The following SLC44A5 variants were observed in gnomAD, a reference collection of about 807,000 sequenced individuals.
The protein encoded by SLC44A5 is solute carrier family 44 member 5.
Under a neutral mutation model 101.8 loss-of-function variants are expected in SLC44A5, and 57 were observed. The ratio of observed to expected loss-of-function variants is 0.56; its 90% CI spans 0.45 to 0.70. The LOEUF (loss-of-function observed/expected upper bound fraction) is 0.70. SLC44A5 is among the 30% of genes least tolerant of loss of function. The probability of loss-of-function intolerance (pLI) is 0.00; values close to 1 mark genes in which losing one functional copy is unlikely to be tolerated. For synonymous variants in SLC44A5, 281 were observed against 290.9 expected (o/e 0.97, Z 0.35); for missense variants, 737 against 853.1 (o/e 0.86, Z 1.70).
At chr1:75,490,690 T>C (rs766349708) in intron 2 of SLC44A5, among the ~76,000 whole-genome samples, 2 of 152,198 alleles carry the variant, frequency 1.3e-5, no homozygotes, top group Non-Finnish European at 2.9e-5. Context: ...TAGAGTTTTG[T>C]TCTCTCCAAA....
the SLC44A5 span, among the ~76,000 whole-genome samples, chr1:75,689,184 T>C: frequency 6.6e-6 from 1 of 152,154 alleles, no homozygotes; most frequent in South Asian, 2.1e-4. Flanking sequence ...TTAAGGGACC[T>C]AGAGCTAGAA....
the SLC44A5 span, among the ~76,000 whole-genome samples, chr1:75,653,996 G>T: frequency 6.6e-6 from 1 of 152,304 alleles, no homozygotes. Context: ...GTAGGGTAAA[G>T]CTCTGACCAA....
chr1:75,333,589 T>C (rs961645179), intron 4 of SLC44A5, among the ~76,000 whole-genome samples: 4 of 152,158 alleles, frequency 2.6e-5, no homozygotes, highest in African/African-American at 9.7e-5. Context: ...AACTATGCTT[T>C]CTATGTGCCA....
At chr1:75,533,728 T>C (rs1314621261) in intron 2 of SLC44A5, among the ~76,000 whole-genome samples, 1 of 152,210 alleles carries the variant, frequency 6.6e-6, no homozygotes, top group Non-Finnish European at 1.5e-5. Context: ...CCTATCTGAA[T>C]ACACACATAG....
intron 2 of SLC44A5, among the ~76,000 whole-genome samples, chr1:75,507,466 AT>A (rs1259082187): frequency 2.6e-5 from 4 of 151,910 alleles, no homozygotes; most frequent in Non-Finnish European, 5.9e-5. Flanking sequence ...TTTGTTGAGA[AT>A]TTTTTTGTGT....
the SLC44A5 span, among the ~76,000 whole-genome samples, chr1:75,616,232 C>T: frequency 6.6e-6 from 1 of 151,866 alleles, no homozygotes; most frequent in Non-Finnish European, 1.5e-5. Flanking sequence ...CCCTTCTCCA[C>T]ACCCTCCCTC....
chr1:75,663,120 T>C, the SLC44A5 span, among the ~76,000 whole-genome samples: 2 of 152,148 alleles, frequency 1.3e-5, no homozygotes, highest in South Asian at 4.1e-4. Context: ...AACTAGATAA[T>C]AGAGTTACTC....
chr1:75,577,655 A>G (rs1417287806), intron 1 of SLC44A5, among the ~76,000 whole-genome samples: 1 of 152,168 alleles, frequency 6.6e-6, no homozygotes, highest in Non-Finnish European at 1.5e-5. Flanking sequence ...TCACCACCAT[A>G]TAACACACTA....
At chr1:75,621,199 A>G in the SLC44A5 span, among the ~76,000 whole-genome samples, 1 of 152,168 alleles carries the variant, frequency 6.6e-6, no homozygotes, top group African/African-American at 2.4e-5. Flanking sequence ...GAAGATGATG[A>G]CAAGGACAAA....
chr1:75,643,944 G>A, the SLC44A5 span, among the ~76,000 whole-genome samples: 65 of 152,258 alleles, frequency 4.3e-4, 1 homozygote, highest in East Asian at 0.01. Context: ...ATATAGAAGC[G>A]TGTTCACAGA....
chr1:75,319,010 T>A (rs1249958732), intron 4 of SLC44A5, among the ~76,000 whole-genome samples: 5 of 152,020 alleles, frequency 3.3e-5, no homozygotes, highest in African/African-American at 9.7e-5. Context: ...AATATGTAAA[T>A]CTTCAGAGAT....
chr1:75,406,618 T>C (rs941677736), intron 2 of SLC44A5, among the ~76,000 whole-genome samples: 2 of 152,198 alleles, frequency 1.3e-5, no homozygotes, highest in African/African-American at 4.8e-5. Context: ...AAGCACACGA[T>C]TATCTTAATA....
At position 75,316,358 on chromosome 1, in the gene SLC44A5, G is replaced by C. The variant is rs116721317; in HGVS notation, c.102-15673C>G. Among the ~76,000 whole-genome samples the C allele has an allele frequency of 8.3e-3, 1,264 of 152,158 alleles. 29 individuals carry two copies. Among genetic ancestry groups the C allele is most frequent in the African/African-American group, 0.029 (1,202 of 41,490 alleles). ...GAAAGCTCTCTCACCCTTAAAACTTGTTAAAACATCATCAACACCCAGCTT... is the reference window on the plus strand; with the variant it reads ...GAAAGCTCTCTCACCCTTAAAACTTCTTAAAACATCATCAACACCCAGCTT... On this transcript the variant is annotated intron_variant, in intron 4 of 23. Transcript: ENST00000370859.
At chr1:75,709,671 A>G in the SLC44A5 span, among the ~76,000 whole-genome samples, 11 of 152,264 alleles carry the variant, frequency 7.2e-5, no homozygotes, top group South Asian at 1.7e-3. Flanking sequence ...ATCTGTAGCT[A>G]TTCCTTCTAT....
the SLC44A5 span, among the ~76,000 whole-genome samples, chr1:75,654,824 T>C: frequency 6.6e-6 from 1 of 152,198 alleles, no homozygotes; most frequent in Admixed American, 6.5e-5. Flanking sequence ...TTATTATTAA[T>C]ACTCTTTCTC....
intron 2 of SLC44A5, among the ~76,000 whole-genome samples, chr1:75,407,954 T>A (rs998488569): frequency 6.6e-6 from 1 of 152,172 alleles, no homozygotes; most frequent in African/African-American, 2.4e-5. Context: ...ATTTTTGCAA[T>A]CTATCCATCT....
intron 23 of SLC44A5, among the ~76,000 whole-genome samples, chr1:75,211,013 C>G (rs1646842532): frequency 6.6e-6 from 1 of 152,092 alleles, no homozygotes; most frequent in African/African-American, 2.4e-5. Context: ...CCATAGTTAT[C>G]TTTGTGTGTG....
chr1:75,473,756 A>T (rs1232354322), intron 2 of SLC44A5, among the ~76,000 whole-genome samples: 1 of 152,064 alleles, frequency 6.6e-6, no homozygotes, highest in African/African-American at 2.4e-5. Context: ...TTCTTTCCAT[A>T]ATTTTATAAA....
intron 1 of SLC44A5, among the ~76,000 whole-genome samples, chr1:75,587,155 A>G (rs1201452893): frequency 6.6e-6 from 1 of 152,198 alleles, no homozygotes; most frequent in Non-Finnish European, 1.5e-5. Flanking sequence ...ACAGCCACCG[A>G]CAACAAAATG....
Sources: gnomAD v4.1 joint callset for allele counts (sites outside exome capture counted in the v4.1 genomes callset) on GRCh38, gnomAD v4.1.1 for gene constraint, MANE v1.5 for transcripts, NCBI Gene and HGNC (gene_info 2026-07-23, HGNC 2026-07-21) for gene names.